ARHGAP18: variants seen among roughly 807,000 people sequenced by gnomAD.
The protein encoded by ARHGAP18 is Rho GTPase activating protein 18.
A neutral mutation model predicts 86.2 loss-of-function variants in ARHGAP18; 67 were observed. That is an observed-to-expected ratio of 0.78 (90% CI 0.64 to 0.95). The LOEUF is 0.95. Ranked by LOEUF, ARHGAP18 falls within the 40% of genes least tolerant of loss-of-function variation. ARHGAP18 has a pLI of 0.00. For synonymous variants in ARHGAP18, 283 were observed against 280.4 expected, an observed-to-expected ratio of 1.01 and a Z score of -0.09; for missense variants, 691 against 780.4, an observed-to-expected ratio of 0.89 and a Z score of 1.37.
intron 7 of ARHGAP18, among the ~76,000 whole-genome samples, chr6:129,613,678 A>G (rs1313129688): frequency 1.3e-5 from 2 of 152,222 alleles, no homozygotes; most frequent in Non-Finnish European, 1.5e-5. Context: ...ATATCGTCAG[A>G]AGGAATGCCA....
chr6:129,669,634 A>C (rs992381095), intron 1 of ARHGAP18, among the ~76,000 whole-genome samples: 24 of 151,830 alleles, frequency 1.6e-4, no homozygotes, highest in African/African-American at 5.6e-4. Flanking sequence ...AAAAATACAA[A>C]ATTAGCTGGG....
At chr6:129,650,092 T>TC (rs1300014005) in intron 1 of ARHGAP18, among the ~76,000 whole-genome samples, 292 of 151,178 alleles carry the variant, frequency 1.9e-3, no homozygotes, top group Admixed American at 3.0e-3. Flanking sequence ...TTTTTTTTTT[T>TC]TTTGTATTTT....
intron 7 of ARHGAP18, among the ~76,000 whole-genome samples, chr6:129,612,455 G>T (rs1409444255): frequency 1.3e-5 from 2 of 152,044 alleles, no homozygotes; most frequent in Non-Finnish European, 2.9e-5. Context: ...TTTCACAATT[G>T]CCTTCCCTGC....
intron 6 of ARHGAP18, among the ~76,000 whole-genome samples, chr6:129,617,601 C>A (rs977029362): frequency 6.6e-6 from 1 of 151,948 alleles, no homozygotes; most frequent in African/African-American, 2.4e-5. Context: ...AACAACTTAA[C>A]GTTTCTTTGC....
chr6:129,698,691 G>GT lies in ARHGAP18; in HGVS notation c.113+11332dup, dbSNP rs34995244. The stretch of plus-strand genomic sequence containing the variant: ...CGAGTAGCGTGTACCACCACGCCCA[G>GT]TTTTTTTTTTTTTTTTTTTTGAGAC... On this transcript the variant is annotated intron_variant, in intron 1 of 14. Coordinates refer to ENST00000368149, the MANE Select transcript of ARHGAP18 (RefSeq NM_033515.3). 2.3e-3 allele frequency among the ~76,000 whole-genome samples: 206 copies of GT among 89,644 alleles called. 3 individuals are homozygous for GT. The highest frequency in any genetic ancestry group is 7.0e-3 in the South Asian group (17 of 2,440). 58.8% of individuals were successfully genotyped at this position (89,644 alleles called of 152,430 possible). A position where few individuals can be genotyped will look rare whatever the true frequency, so the allele number is the denominator to read the frequency against.
chr6:129,658,415 T>C (rs539890682), intron 1 of ARHGAP18, among the ~76,000 whole-genome samples: 1 of 112,316 alleles, frequency 8.9e-6, no homozygotes, highest in East Asian at 2.3e-4. Context: ...CTTAGGCACC[T>C]CAAATGGAAA....
intron 2 of ARHGAP18, among the ~76,000 whole-genome samples, chr6:129,639,998 T>C (rs866750152): frequency 1.5e-4 from 22 of 145,238 alleles, no homozygotes; most frequent in Middle Eastern, 3.8e-3. Flanking sequence ...TGAACCGAGA[T>C]TGTGCCACTG....
chr6:129,658,329 T>C (rs374265634), intron 1 of ARHGAP18, among the ~76,000 whole-genome samples: 3 of 152,312 alleles, frequency 2.0e-5, no homozygotes, highest in East Asian at 1.9e-4. Flanking sequence ...TTGTCTTGAT[T>C]TTGTTATTTG....
chr6:129,606,051 G>T, intron 9 of ARHGAP18, 92 bp from the exon 10 acceptor site: 1 of 1,196,368 alleles, frequency 8.4e-7, no homozygotes, highest in Non-Finnish European at 1.2e-6. Context: ...AAGTTATTTG[G>T]CATAAACATG....
intron 12 of ARHGAP18, among the ~76,000 whole-genome samples, chr6:129,587,616 G>A (rs985230633): frequency 7.2e-5 from 11 of 152,160 alleles, no homozygotes; most frequent in African/African-American, 2.2e-4. Context: ...GAAATGTCAA[G>A]CAAAGGGGGA....
chr6:129,661,226 A>T (rs1403607212), intron 1 of ARHGAP18, among the ~76,000 whole-genome samples: 2 of 149,958 alleles, frequency 1.3e-5, no homozygotes, highest in Non-Finnish European at 3.0e-5. Flanking sequence ...GGTGGCACAC[A>T]CCTGTAGTCC....
rs898608856 is a variant in ARHGAP18, at chr6:129,638,620, A to G, written c.326T>C (p.Leu109Ser). ...VVVKEPDEGELEEEWLKEAGL... is the reference protein window; with the variant it reads ...VVVKEPDEGESEEEWLKEAGL... ...GGCCTCTTTAAGCCACTCTTCTTCC[A>G]ATTCTCCCTCTAAGACAGTAGAGAA... Residue 109 changes from leucine (L) to serine (S), a missense_variant, in exon 3 of 15, where the codon TTG becomes TCG. Transcript: ENST00000368149. 2.7e-5 allele frequency: 43 copies of G among 1,613,958 alleles called. No homozygotes were observed. The highest frequency in any genetic ancestry group is 3.6e-5 in the Non-Finnish European group (43 of 1,179,958).
intron 1 of ARHGAP18, among the ~76,000 whole-genome samples, chr6:129,667,618 C>T (rs923688259): frequency 1.3e-5 from 2 of 151,552 alleles, no homozygotes; most frequent in African/African-American, 2.4e-5. Context: ...ATTCAGGAAA[C>T]ATATATTGAG....
intron 10 of ARHGAP18, among the ~76,000 whole-genome samples, chr6:129,602,630 G>A (rs900454277): frequency 6.6e-6 from 1 of 152,024 alleles, no homozygotes; most frequent in African/African-American, 2.4e-5. Context: ...CTAATTTCTA[G>A]TACAGTGCTC....
In ARHGAP18 at chr6:129,648,164, T is replaced by A. The variant is rs117447173; in HGVS notation, c.114-6146A>T. On this transcript the variant is annotated intron_variant, in intron 1 of 14. Coordinates refer to ENST00000368149, the MANE Select transcript of ARHGAP18 (RefSeq NM_033515.3). ...TTCTTTTCCAATGCACTTTTTTTTT[T>A]AATTTTTCAATTTTTTTGGTTTTTT... is the stretch of plus-strand genomic sequence containing the variant. Among the ~76,000 whole-genome samples the A allele has an allele frequency of 1.4e-3, 213 of 152,150 alleles. 1 individual carries two copies. The East Asian group carries it at 0.032, about 23-fold the overall frequency.
intron 1 of ARHGAP18, among the ~76,000 whole-genome samples, chr6:129,664,027 G>T (rs1435982101): frequency 6.6e-6 from 1 of 152,222 alleles, no homozygotes; most frequent in Non-Finnish European, 1.5e-5. Flanking sequence ...CTTTGAACAG[G>T]TTATCTACCT....
At chr6:129,643,385 G>C (rs971050871) in intron 1 of ARHGAP18, among the ~76,000 whole-genome samples, 4 of 152,144 alleles carry the variant, frequency 2.6e-5, no homozygotes, top group Non-Finnish European at 4.4e-5. Flanking sequence ...GGTTTCATAA[G>C]GGGCTTTTCC....
intron 13 of ARHGAP18, 49 bp from the exon 14 acceptor site, chr6:129,580,180 A>G: frequency 6.6e-7 from 1 of 1,524,538 alleles, no homozygotes; most frequent in Non-Finnish European, 9.1e-7. Flanking sequence ...AACAGCTTGC[A>G]AGTAAATCAC....
intron 4 of ARHGAP18, among the ~76,000 whole-genome samples, chr6:129,633,098 A>G (rs1773252159): frequency 6.6e-6 from 1 of 152,176 alleles, no homozygotes; most frequent in African/African-American, 2.4e-5. Context: ...TGAAATAGCT[A>G]TAAATTCTCT....
Sources: allele counts gnomAD v4.1 joint callset (sites outside exome capture counted in the v4.1 genomes callset), GRCh38; gene constraint gnomAD v4.1.1; transcripts MANE v1.5; gene names NCBI Gene and HGNC (gene_info 2026-07-23, HGNC 2026-07-21).